Variants in GRID2 observed in about 807,000 individuals in gnomAD.
The protein encoded by GRID2 is glutamate ionotropic receptor delta type subunit 2.
In GRID2, 33 loss-of-function variants were observed where a neutral mutation model predicts 114.8. The observed-to-expected ratio is 0.29, with a 90% confidence interval of 0.22 to 0.38. The LOEUF is 0.38. GRID2 is among the 10% of genes least tolerant of loss of function. GRID2 has a pLI of 1.00. For missense variants in GRID2, 1,184 were observed against 1,257.7 expected (o/e 0.94, Z 0.89); for synonymous variants, 505 against 449.9 (o/e 1.12, Z -1.55).
chr4:92,797,987 C>G (rs562125437), intron 2 of GRID2, among the ~76,000 whole-genome samples: 1 of 151,938 alleles, frequency 6.6e-6, no homozygotes, highest in Non-Finnish European at 1.5e-5. Flanking sequence ...TTTAATGGAG[C>G]AGTCAGCCTG....
chr4:93,280,467 T>C (rs1036577411), intron 8 of GRID2, among the ~76,000 whole-genome samples: 1 of 151,982 alleles, frequency 6.6e-6, no homozygotes, highest in African/African-American at 2.4e-5. Flanking sequence ...CTTTGGAAAA[T>C]GTTTTCTAAG....
chr4:92,949,092 AG>A (rs918835462), intron 2 of GRID2, among the ~76,000 whole-genome samples: 79 of 151,814 alleles, frequency 5.2e-4, no homozygotes, highest in African/African-American at 1.9e-3. Flanking sequence ...CAACCAAAAA[AG>A]ATCTGGAGGC....
intron 2 of GRID2, among the ~76,000 whole-genome samples, chr4:92,602,033 G>GA (rs1729238467): frequency 1.3e-5 from 2 of 151,554 alleles, no homozygotes; most frequent in Admixed American, 6.6e-5. Flanking sequence ...GCCTCTCAAG[G>GA]AAAAAAACCC....
Position 92,352,480 on chromosome 4 carries a change from G to A in GRID2, c.88+47736G>A, listed in dbSNP as rs146169077. Among the ~76,000 whole-genome samples, 306 of 151,796 alleles carry A rather than the reference G, an allele frequency of 2.0e-3. 4 individuals are homozygous for A. The highest frequency in any genetic ancestry group is 6.9e-3 in the African/African-American group (284 of 41,440). ...ATTCTGCAGGTGGTCCTTTCACTTC[G>A]TTGATTGTTACGTTTTCTAGGCAGA... On this transcript the variant is annotated intron_variant, in intron 1 of 15. Transcript: ENST00000282020.
rs199774766 is a variant in GRID2 at position 93,216,725 on chromosome 4, T to C, written c.790-13T>C. 2.8e-4 allele frequency: 438 copies of C among 1,575,782 alleles called. No individual in the cohort carries two copies. In the African/African-American group the frequency reaches 5.1e-3, roughly 18 times the overall value. On this transcript the variant is annotated splice_polypyrimidine_tract_variant and intron_variant, in intron 5 of 15. Coordinates refer to ENST00000282020, the MANE Select transcript of GRID2 (RefSeq NM_001510.4). ...TTAAAGTATCTCTAATTCTTCCACC[T>C]CTTATCTTATAGGAAATAAACGATG...
At chr4:93,149,285 A>T (rs1163543678) in intron 4 of GRID2, among the ~76,000 whole-genome samples, 1 of 152,148 alleles carries the variant, frequency 6.6e-6, no homozygotes, top group African/African-American at 2.4e-5. Flanking sequence ...TATAAGTAAC[A>T]ACCTGGTGCC....
chr4:93,198,715 CT>C (rs555357064), intron 4 of GRID2, among the ~76,000 whole-genome samples: 7 of 152,014 alleles, frequency 4.6e-5, no homozygotes, highest in African/African-American at 4.8e-5. Context: ...ATGAGAAACA[CT>C]TTGTCAAACA....
intron 8 of GRID2, among the ~76,000 whole-genome samples, chr4:93,259,849 A>C (rs1750056307): frequency 6.6e-6 from 1 of 151,774 alleles, no homozygotes; most frequent in South Asian, 2.1e-4. Context: ...ATATTGTCTA[A>C]GTGATAGGGG....
At chr4:92,519,357 C>T (rs1313049246) in intron 1 of GRID2, among the ~76,000 whole-genome samples, 1 of 151,624 alleles carries the variant, frequency 6.6e-6, no homozygotes, top group African/African-American at 2.4e-5. Context: ...TAGATATTTA[C>T]CTGCTATAAT....
chr4:92,589,152 A>C (rs939124829), intron 1 of GRID2, among the ~76,000 whole-genome samples: 1 of 152,154 alleles, frequency 6.6e-6, no homozygotes, highest in Non-Finnish European at 1.5e-5. Context: ...GTGAAAAGAT[A>C]AAGCCAGCTC....
At chr4:92,764,395 A>G (rs951259479) in intron 2 of GRID2, among the ~76,000 whole-genome samples, 3 of 152,218 alleles carry the variant, frequency 2.0e-5, no homozygotes, top group Admixed American at 6.5e-5. Flanking sequence ...CTCAAGCCCA[A>G]GGACTTACAA....
chr4:92,657,526 A>C (rs972828890), intron 2 of GRID2, among the ~76,000 whole-genome samples: 1 of 151,730 alleles, frequency 6.6e-6, no homozygotes, highest in Non-Finnish European at 1.5e-5. Flanking sequence ...GAACCAGCTT[A>C]AATTATACCA....
chr4:92,557,308 A>G (rs978985638), intron 1 of GRID2, among the ~76,000 whole-genome samples: 4 of 151,668 alleles, frequency 2.6e-5, no homozygotes, highest in Non-Finnish European at 1.5e-5. Flanking sequence ...GTATTAAATA[A>G]AATATTTTAA....
At chr4:93,491,420 A>G (rs1206132731) in intron 12 of GRID2, among the ~76,000 whole-genome samples, 1 of 151,850 alleles carries the variant, frequency 6.6e-6, no homozygotes. Context: ...CCAGTGTCTC[A>G]ATTCACAAAT....
At chr4:92,800,441 C>T (rs1199896529) in intron 2 of GRID2, among the ~76,000 whole-genome samples, 1 of 151,912 alleles carries the variant, frequency 6.6e-6, no homozygotes, top group Non-Finnish European at 1.5e-5. Context: ...TGTAGATTGA[C>T]ACAACATGCT....
At chr4:92,676,865 G>A (rs971637915) in intron 2 of GRID2, among the ~76,000 whole-genome samples, 2 of 152,126 alleles carry the variant, frequency 1.3e-5, no homozygotes, top group African/African-American at 4.8e-5. Context: ...AAAGGTGGAA[G>A]CAACCCCAGT....
At chr4:93,510,932 ATTT>A (rs202155630) in intron 12 of GRID2, among the ~76,000 whole-genome samples, 4,407 of 152,166 alleles carry the variant, frequency 0.029, 85 homozygotes, top group Admixed American at 0.045. Context: ...TAATTGTATT[ATTT>A]TTATTTTTTA....
intron 1 of GRID2, among the ~76,000 whole-genome samples, chr4:92,455,127 A>G (rs1721140506): frequency 6.6e-6 from 1 of 152,212 alleles, no homozygotes; most frequent in Non-Finnish European, 1.5e-5. Flanking sequence ...GAAAAATCCT[A>G]ATAGAGCCCA....
chr4:93,456,003 T>C, intron 11 of GRID2, 29 bp downstream of exon 11: 1 of 1,285,638 alleles, frequency 7.8e-7, no homozygotes. Context: ...TTCTAGTATT[T>C]AAAAAAAATA....
Sources: allele counts gnomAD v4.1 joint callset (sites outside exome capture counted in the v4.1 genomes callset), GRCh38; gene constraint gnomAD v4.1.1; transcripts MANE v1.5; gene names NCBI Gene and HGNC (gene_info 2026-07-23, HGNC 2026-07-21).